Variants in HDAC9 observed in about 807,000 individuals in gnomAD.
HDAC9 encodes the protein MEF-2 interacting transcription repressor (MITR) protein.
In HDAC9, 41 loss-of-function variants were observed where a neutral mutation model predicts 139.4. The observed-to-expected ratio is 0.29, with a 90% CI of 0.23 to 0.38. The LOEUF (loss-of-function observed/expected upper bound fraction) is 0.38, where lower values mean the gene tolerates loss of function less well. Ranked by LOEUF, HDAC9 falls within the 10% of genes least tolerant of loss-of-function variation. HDAC9 has a pLI of 1.00. For synonymous variants in HDAC9, 517 were observed against 476.2 expected, an observed-to-expected ratio of 1.09 and a Z score of -1.12; for missense variants, 1,147 against 1,297.0, an observed-to-expected ratio of 0.88 and a Z score of 1.78.
At chr7:18,817,499 C>T (rs1038477254) in intron 17 of HDAC9, among the ~76,000 whole-genome samples, 1 of 152,086 alleles carries the variant, frequency 6.6e-6, no homozygotes, top group Non-Finnish European at 1.5e-5. Context: ...ACATTTGGAT[C>T]TTTTTTCCAG....
chr7:18,716,990 C>CTT (rs528916567), intron 12 of HDAC9, among the ~76,000 whole-genome samples: 29 of 115,142 alleles, frequency 2.5e-4, no homozygotes, highest in South Asian at 5.8e-4. Context: ...CTCGTTAGCA[C>CTT]TTTTTTTTTT....
chr7:18,297,391 C>G (rs1377259503), intron 1 of HDAC9, among the ~76,000 whole-genome samples: 1 of 152,034 alleles, frequency 6.6e-6, no homozygotes, highest in Non-Finnish European at 1.5e-5. Context: ...CGGAGTGGAC[C>G]AAAGAATTTT....
chr7:18,337,168 A>G (rs958948342), intron 1 of HDAC9, among the ~76,000 whole-genome samples: 9 of 151,810 alleles, frequency 5.9e-5, no homozygotes, highest in African/African-American at 2.2e-4. Flanking sequence ...CTTTTAAAAG[A>G]GGAACAGCAA....
intron 12 of HDAC9, among the ~76,000 whole-genome samples, chr7:18,702,906 A>G (rs1783617527): frequency 6.6e-6 from 1 of 152,220 alleles, no homozygotes; most frequent in Admixed American, 6.5e-5. Context: ...AAAGAGTTAC[A>G]TCTTTTGAAT....
intron 24 of HDAC9, among the ~76,000 whole-genome samples, chr7:18,966,414 G>A (rs1783851308): frequency 6.6e-6 from 1 of 152,168 alleles, no homozygotes; most frequent in South Asian, 2.1e-4. Flanking sequence ...AGAAGATAGA[G>A]TTAGGGGTCG....
At chr7:18,140,823 A>G (rs1293731398) in intron 1 of HDAC9, among the ~76,000 whole-genome samples, 1 of 151,942 alleles carries the variant, frequency 6.6e-6, no homozygotes, top group Non-Finnish European at 1.5e-5. Context: ...GTAATAAAAT[A>G]TCACCTTAAA....
At chr7:18,274,316 C>A (rs1214449822) in intron 2 of HDAC9, among the ~76,000 whole-genome samples, 2 of 152,124 alleles carry the variant, frequency 1.3e-5, no homozygotes, top group African/African-American at 4.8e-5. Flanking sequence ...CATGCTGCTT[C>A]AACTCATGGT....
chr7:18,850,806 C>G (rs1168731865), intron 21 of HDAC9, among the ~76,000 whole-genome samples: 2 of 152,166 alleles, frequency 1.3e-5, no homozygotes, highest in African/African-American at 2.4e-5. Context: ...TCAGCAGAAT[C>G]AATGTCTGTT....
intron 17 of HDAC9, among the ~76,000 whole-genome samples, chr7:18,824,087 G>GAAGAAGAAGAAT (rs1331001570): frequency 6.8e-6 from 1 of 147,434 alleles, no homozygotes; most frequent in Non-Finnish European, 1.5e-5. Context: ...AGAAGAAGAA[G>GAAGAAGAAGAAT]AACAAGAACA....
chr7:18,674,687 T>C (rs739457), intron 12 of HDAC9, among the ~76,000 whole-genome samples: 2,747 of 152,186 alleles, frequency 0.018, 25 homozygotes, highest in Middle Eastern at 0.051. Flanking sequence ...AAAGGCATTT[T>C]CTTCCATACT....
At chr7:18,345,428 G>T (rs929516700) in intron 1 of HDAC9, among the ~76,000 whole-genome samples, 2 of 151,854 alleles carry the variant, frequency 1.3e-5, no homozygotes, top group South Asian at 2.1e-4. Context: ...TGATTAAGAG[G>T]TTATTGACAT....
chr7:18,889,195 C>A (rs1048212827), intron 22 of HDAC9, among the ~76,000 whole-genome samples: 1 of 152,132 alleles, frequency 6.6e-6, no homozygotes, highest in African/African-American at 2.4e-5. Context: ...ACATCAGGGT[C>A]TTTGCATGAA....
chr7:18,950,308 A>C (rs921284986), intron 23 of HDAC9, among the ~76,000 whole-genome samples: 1 of 152,118 alleles, frequency 6.6e-6, no homozygotes, highest in Non-Finnish European at 1.5e-5. Context: ...CCTGCATGTC[A>C]GGAAACCTTG....
At chr7:18,373,937 A>G (rs1784782101) in intron 1 of HDAC9, among the ~76,000 whole-genome samples, 1 of 152,070 alleles carries the variant, frequency 6.6e-6, no homozygotes, top group African/African-American at 2.4e-5. Flanking sequence ...ATTTAATCTA[A>G]GTACTTCTAA....
chr7:18,723,988 G>A (rs1785336078), intron 12 of HDAC9, among the ~76,000 whole-genome samples: 1 of 152,094 alleles, frequency 6.6e-6, no homozygotes, highest in Admixed American at 6.6e-5. Flanking sequence ...GGTTCAACGA[G>A]CTTTCAACGT....
chr7:18,133,472 G>A (rs1562655271), intron 1 of HDAC9, among the ~76,000 whole-genome samples: 1 of 152,104 alleles, frequency 6.6e-6, no homozygotes, highest in Non-Finnish European at 1.5e-5. Context: ...AGACTTAGGA[G>A]CTAAGTCTGG....
At chr7:18,294,720 C>G (rs1798027938) in intron 1 of HDAC9, among the ~76,000 whole-genome samples, 1 of 151,954 alleles carries the variant, frequency 6.6e-6, no homozygotes, top group Non-Finnish European at 1.5e-5. Context: ...GTTGCATGAC[C>G]TGAATAATAT....
rs895656675 is a variant in HDAC9, at chr7:18,526,711, C to T, written c.22+30387C>T. On this transcript the variant is annotated intron_variant, in intron 2 of 25. Coordinates refer to ENST00000686413, the MANE Select transcript of HDAC9 (RefSeq NM_178425.4). The stretch of plus-strand genomic sequence containing the variant: ...AACTGCACCAGTTCTATTTGTAGTA[C>T]AAAGGATCTATGGCTTAGGATAGCC... Among the ~76,000 whole-genome samples, 5 of 152,046 alleles carry T rather than the reference C, an allele frequency of 3.3e-5. No individual in the cohort carries two copies. The South Asian group carries it at 1.0e-3, about 32-fold the overall frequency.
At chr7:18,767,428 A>G (rs1789923815) in intron 16 of HDAC9, among the ~76,000 whole-genome samples, 1 of 152,210 alleles carries the variant, frequency 6.6e-6, no homozygotes, top group Non-Finnish European at 1.5e-5. Context: ...TGCACAGGTC[A>G]CACACTCATG....
Sources: gnomAD v4.1 joint callset for allele counts (sites outside exome capture counted in the v4.1 genomes callset) on GRCh38, gnomAD v4.1.1 for gene constraint, MANE v1.5 for transcripts, NCBI Gene and HGNC (gene_info 2026-07-23, HGNC 2026-07-21) for gene names.